Variants in LNX1 observed in about 807,000 individuals in gnomAD.
LNX1 encodes ligand of numb-protein X 1, also known as E3 ubiquitin-protein ligase LNX.
In LNX1, 54 loss-of-function variants were observed where a neutral mutation model predicts 68.4. The observed-to-expected ratio is 0.79, with a 90% CI of 0.63 to 0.99. The LOEUF (loss-of-function observed/expected upper bound fraction) is 0.99. Among genes scored for constraint, LNX1 ranks in the 50% least tolerant of loss-of-function variants. The pLI is 0.00. For missense variants in LNX1, 906 were observed against 926.4 expected (o/e 0.98, Z 0.29); for synonymous variants, 336 against 350.0 (o/e 0.96, Z 0.45).
chr4:53,566,909 T>C, intron 2 of LNX1, among the ~76,000 whole-genome samples: 1 of 152,120 alleles, frequency 6.6e-6, no homozygotes. Context: ...GGCCATTACA[T>C]AATGGTAAAG....
chr4:53,634,392 C>T (rs183205238), intron 1 of LNX1, among the ~76,000 whole-genome samples: 23 of 151,978 alleles, frequency 1.5e-4, no homozygotes, highest in Admixed American at 4.6e-4. Context: ...TACAGGTGCA[C>T]GCTGCCAGAC....
intron 2 of LNX1, among the ~76,000 whole-genome samples, chr4:53,522,354 A>T: frequency 6.6e-6 from 1 of 152,148 alleles, no homozygotes; most frequent in East Asian, 1.9e-4. Flanking sequence ...TTATTCCACA[A>T]ATACTGAAGT....
chr4:53,624,045 C>T (rs542212702), intron 1 of LNX1, among the ~76,000 whole-genome samples: 1 of 152,302 alleles, frequency 6.6e-6, no homozygotes, highest in Non-Finnish European at 1.5e-5. Context: ...CATCCTTTTG[C>T]TTGCCTCTCA....
intron 2 of LNX1, among the ~76,000 whole-genome samples, chr4:53,518,843 C>G (rs538022894): frequency 1.3e-5 from 2 of 152,250 alleles, no homozygotes; most frequent in African/African-American, 4.8e-5. Flanking sequence ...AAATTAGAAG[C>G]AGGTTTTTCA....
chr4:53,500,903 A>G (rs1215745255), intron 4 of LNX1, among the ~76,000 whole-genome samples: 1 of 152,178 alleles, frequency 6.6e-6, no homozygotes, highest in East Asian at 1.9e-4. Flanking sequence ...ACAAAAGCCA[A>G]TTTTCCCTCC....
chr4:53,523,386 A>C (rs1440734380), intron 2 of LNX1: 1 of 152,308 alleles, frequency 6.6e-6, no homozygotes, highest in Admixed American at 6.5e-5. Context: ...TCCCAGGTTC[A>C]GGTGATTCTC....
At chr4:53,601,581 AG>A (rs1733019277) in intron 2 of LNX1, among the ~76,000 whole-genome samples, 1 of 152,194 alleles carries the variant, frequency 6.6e-6, no homozygotes, top group African/African-American at 2.4e-5. Flanking sequence ...TGAGCCTGGT[AG>A]CAAGCCCATT....
At chr4:53,609,112 A>G (rs1733364813) in intron 2 of LNX1, among the ~76,000 whole-genome samples, 1 of 152,166 alleles carries the variant, frequency 6.6e-6, no homozygotes, top group African/African-American at 2.4e-5. Context: ...CTTCACTCCT[A>G]CAACTATCTG....
At chr4:53,482,552 G>A (rs1274445427) in intron 6 of LNX1, among the ~76,000 whole-genome samples, 1 of 152,210 alleles carries the variant, frequency 6.6e-6, no homozygotes, top group Admixed American at 6.5e-5. Context: ...AATGTCTTTT[G>A]CAGCAACTTG....
At chr4:53,625,412 A>C (rs1214454328) in intron 1 of LNX1, among the ~76,000 whole-genome samples, 1 of 152,206 alleles carries the variant, frequency 6.6e-6, no homozygotes, top group Non-Finnish European at 1.5e-5. Flanking sequence ...AAAGGATTTG[A>C]ATAGATATTA....
upstream of LNX1, among the ~76,000 whole-genome samples, chr4:53,592,004 T>C (rs1476872203): frequency 6.6e-6 from 1 of 152,228 alleles, no homozygotes; most frequent in Non-Finnish European, 1.5e-5. Context: ...TAAGTTGACA[T>C]TTCCAATTCA....
intron 1 of LNX1, among the ~76,000 whole-genome samples, chr4:53,587,058 G>C (rs1343889731): frequency 6.6e-6 from 1 of 152,086 alleles, no homozygotes; most frequent in Non-Finnish European, 1.5e-5. Context: ...CAAAAAAAAT[G>C]ATCACCTTCA....
intron 2 of LNX1, among the ~76,000 whole-genome samples, chr4:53,564,968 T>C (rs937764565): frequency 6.6e-6 from 1 of 152,050 alleles, no homozygotes; most frequent in Non-Finnish European, 1.5e-5. Flanking sequence ...CACCACGAGA[T>C]TATATCCCCC....
chr4:53,603,487 T>G (rs2109838127), intron 2 of LNX1: 1 of 152,360 alleles, frequency 6.6e-6, no homozygotes, highest in Admixed American at 6.5e-5. Context: ...AGGAAATATC[T>G]GTGACTGCTT....
At chr4:53,579,457 C>A (rs1731696549) in intron 1 of LNX1, among the ~76,000 whole-genome samples, 1 of 152,074 alleles carries the variant, frequency 6.6e-6, no homozygotes, top group African/African-American at 2.4e-5. Context: ...GGTCCTAATC[C>A]CTGCTTCCTT....
At chr4:53,501,254 T>G (rs1469038441) in intron 4 of LNX1, among the ~76,000 whole-genome samples, 2 of 140,460 alleles carry the variant, frequency 1.4e-5, no homozygotes, top group African/African-American at 2.6e-5. Context: ...GTCTTCACAA[T>G]AACCCTATGA....
At chr4:53,502,390 A>C (rs1197410079) in intron 4 of LNX1, among the ~76,000 whole-genome samples, 1 of 152,050 alleles carries the variant, frequency 6.6e-6, no homozygotes, top group Non-Finnish European at 1.5e-5. Context: ...TTTACACTGT[A>C]CTCTAGTCTA....
chr4:53,481,083 GA>G (rs1199334008), intron 7 of LNX1, among the ~76,000 whole-genome samples: 1 of 152,210 alleles, frequency 6.6e-6, no homozygotes, highest in Admixed American at 6.5e-5. Context: ...GCCACAGAGA[GA>G]AGTACAAATT....
intron 1 of LNX1, among the ~76,000 whole-genome samples, chr4:53,629,680 A>T (rs1734197596): frequency 6.6e-6 from 1 of 151,646 alleles, no homozygotes; most frequent in Admixed American, 6.6e-5. Flanking sequence ...GAAAAAAGAC[A>T]CTCCTGCTCT....
Sources: gnomAD v4.1 joint callset for allele counts (sites outside exome capture counted in the v4.1 genomes callset) on GRCh38, gnomAD v4.1.1 for gene constraint, MANE v1.5 for transcripts, NCBI Gene and HGNC (gene_info 2026-07-23, HGNC 2026-07-21) for gene names.